NBEA: variants seen among roughly 807,000 people sequenced by gnomAD.
NBEA encodes neurobeachin, also known as lysosomal-trafficking regulator 2.
Under a neutral mutation model 343.4 loss-of-function variants are expected in NBEA, and 44 were observed. That is an observed-to-expected ratio of 0.13 (90% CI 0.10 to 0.16). NBEA has a LOEUF of 0.16. Ranked by LOEUF, NBEA falls within the 10% of genes least tolerant of loss-of-function variation. The probability of loss-of-function intolerance (pLI) is 1.00; values close to 1 mark genes in which losing one functional copy is unlikely to be tolerated. For synonymous variants in NBEA, 1,175 were observed against 1,238.7 expected (o/e 0.95, Z 1.08); for missense variants, 2,555 against 3,631.3 (o/e 0.70, Z 7.62).
At chr13:35,358,380 C>A (rs2040615710) in intron 38 of NBEA, among the ~76,000 whole-genome samples, 1 of 152,032 alleles carries the variant, frequency 6.6e-6, no homozygotes, top group Admixed American at 6.6e-5. Context: ...TTCTCCCCAA[C>A]TGAGCTTATA....
intron 38 of NBEA, among the ~76,000 whole-genome samples, chr13:35,379,081 T>C (rs1324909413): frequency 1.3e-5 from 2 of 152,000 alleles, no homozygotes; most frequent in Admixed American, 6.6e-5. Flanking sequence ...CTGGTACATA[T>C]TTGTTTTTTT....
intron 37 of NBEA, 87 bp downstream of exon 37, chr13:35,349,303 T>A (rs2040050319): frequency 3.2e-6 from 2 of 630,686 alleles, no homozygotes; most frequent in South Asian, 3.3e-5. Context: ...AAGGTTTTTT[T>A]AAAAGGAAAA....
intron 11 of NBEA, among the ~76,000 whole-genome samples, chr13:35,102,635 A>T (rs1181741593): frequency 6.6e-6 from 1 of 151,760 alleles, no homozygotes; most frequent in African/African-American, 2.4e-5. Context: ...TAAAATTTTA[A>T]TATTTTACAC....
chr13:35,619,093 T>C (rs1186957426), intron 48 of NBEA, among the ~76,000 whole-genome samples: 1 of 150,682 alleles, frequency 6.6e-6, no homozygotes, highest in Non-Finnish European at 1.5e-5. Flanking sequence ...CAAATGCAAA[T>C]GTAAAAATTT....
At chr13:35,268,950 A>G (rs1334365879) in intron 34 of NBEA, among the ~76,000 whole-genome samples, 6 of 152,114 alleles carry the variant, frequency 3.9e-5, no homozygotes, top group African/African-American at 1.4e-4. Context: ...GGTGAGATAA[A>G]GACTTTTTCA....
At chr13:35,067,998 A>T (rs2063718286) in intron 8 of NBEA, among the ~76,000 whole-genome samples, 1 of 152,078 alleles carries the variant, frequency 6.6e-6, no homozygotes, top group Non-Finnish European at 1.5e-5. Flanking sequence ...TTGGCCTCTC[A>T]AAGTGCTAAG....
intron 41 of NBEA, among the ~76,000 whole-genome samples, chr13:35,494,702 A>G (rs748638801): frequency 3.9e-5 from 6 of 152,002 alleles, no homozygotes; most frequent in East Asian, 1.9e-4. Flanking sequence ...CATTAAATGT[A>G]AATGGATTAA....
chr13:35,032,209 G>C (rs1217102519), intron 1 of NBEA, among the ~76,000 whole-genome samples: 5 of 151,484 alleles, frequency 3.3e-5, no homozygotes, highest in Non-Finnish European at 4.4e-5. Context: ...GCTTTTAGCT[G>C]TTTGAGGAAT....
chr13:35,561,826 C>A (rs1482129412), intron 44 of NBEA, among the ~76,000 whole-genome samples: 1 of 151,956 alleles, frequency 6.6e-6, no homozygotes, highest in Non-Finnish European at 1.5e-5. Context: ...AAGTATCTTG[C>A]CAAAAGAAGC....
chr13:35,234,227 CATT>C (rs2075115535), intron 34 of NBEA, among the ~76,000 whole-genome samples: 1 of 152,050 alleles, frequency 6.6e-6, no homozygotes, highest in Non-Finnish European at 1.5e-5. Context: ...CTACTATTGT[CATT>C]ATTATACTCC....
chr13:35,171,588 T>G, intron 26 of NBEA, 136 bp downstream of exon 26: 1 of 744,310 alleles, frequency 1.3e-6, no homozygotes. Context: ...ATACAGAGAT[T>G]ATTTTTATAA....
chr13:35,445,036 C>T (rs1234909756), intron 39 of NBEA, among the ~76,000 whole-genome samples: 3 of 152,022 alleles, frequency 2.0e-5, no homozygotes, highest in Admixed American at 1.3e-4. Context: ...TTAATGAATA[C>T]GAACACTGTT....
At chr13:35,313,007 G>C (rs1396755927) in intron 36 of NBEA, among the ~76,000 whole-genome samples, 1 of 152,118 alleles carries the variant, frequency 6.6e-6, no homozygotes, top group Non-Finnish European at 1.5e-5. Flanking sequence ...TGAGTCTCCA[G>C]GTTATTCGTG....
intron 36 of NBEA, among the ~76,000 whole-genome samples, chr13:35,346,157 A>ATCCGCTGCTTTGCTTTTCTAC: frequency 6.6e-6 from 1 of 152,138 alleles, no homozygotes; most frequent in Non-Finnish European, 1.5e-5. Flanking sequence ...TGCTTTTCTA[A>ATCCGCTGCTTTGCTTTTCTAC]TCCACTGCTT....
intron 41 of NBEA, among the ~76,000 whole-genome samples, chr13:35,545,090 C>T (rs2079005720): frequency 6.6e-6 from 1 of 152,018 alleles, no homozygotes; most frequent in Admixed American, 6.6e-5. Context: ...ATAGAATGTC[C>T]TTAAACTTAT....
At chr13:35,019,484 A>G (rs2061762571) in intron 1 of NBEA, among the ~76,000 whole-genome samples, 1 of 151,808 alleles carries the variant, frequency 6.6e-6, no homozygotes, top group Admixed American at 6.6e-5. Context: ...TTTTTAGTAG[A>G]TACAGGGTCT....
chr13:35,584,101 A>T, intron 46 of NBEA, 63 bp downstream of exon 46: 1 of 1,399,952 alleles, frequency 7.1e-7, no homozygotes, highest in Non-Finnish European at 1.0e-6. Context: ...AAGTAAATTA[A>T]ATAAAAATCA....
chr13:35,093,047 A>G (rs1460169183), intron 10 of NBEA, among the ~76,000 whole-genome samples: 3 of 152,066 alleles, frequency 2.0e-5, no homozygotes, highest in Non-Finnish European at 4.4e-5. Flanking sequence ...TGCCTCTCAG[A>G]GGCAATATGC....
rs1566413312 is a variant in NBEA, at chr13:35,177,020, A to T, written c.4579A>T (p.Asn1527Tyr). 1 of 1,600,856 alleles carries T rather than the reference A, an allele frequency of 6.2e-7. No homozygotes were observed. Among genetic ancestry groups the T allele is most frequent in the East Asian group, 2.3e-5 (1 of 44,380 alleles). ...GACTCCATTGGAAAATGTTCCAGGT[A>T]ACCTTTCTCCTATTAAGGATCCGGA... ...SKTPLENVPGNLSPIKDPDRL... is the reference protein window; with the variant it reads ...SKTPLENVPGYLSPIKDPDRL... The change falls in exon 28 of 59, where the codon AAC becomes TAC. Residue 1527 changes from asparagine to tyrosine, a missense_variant. Coordinates refer to ENST00000379939, the MANE Select transcript of NBEA (RefSeq NM_001385012.1).
Sources: gnomAD v4.1 joint callset for allele counts (sites outside exome capture counted in the v4.1 genomes callset) on GRCh38, gnomAD v4.1.1 for gene constraint, MANE v1.5 for transcripts, NCBI Gene and HGNC (gene_info 2026-07-23, HGNC 2026-07-21) for gene names.